ATG7: variants seen among roughly 807,000 people sequenced by gnomAD.
ATG7 encodes autophagy related 7.
In ATG7, 70 loss-of-function variants were observed where a neutral mutation model predicts 82.4. The ratio of observed to expected loss-of-function variants is 0.85; its 90% CI spans 0.70 to 1.04. ATG7 has a LOEUF of 1.04. Among genes scored for constraint, ATG7 ranks in the 50% least tolerant of loss-of-function variants. ATG7 has a pLI of 0.00. For missense variants in ATG7, 792 were observed against 864.3 expected, an observed-to-expected ratio of 0.92 and a Z score of 1.05; for synonymous variants, 287 against 313.0, an observed-to-expected ratio of 0.92 and a Z score of 0.88.
chr3:11,574,783 A>ATGTGTGTGTGTGTGTG, the ATG7 span, among the ~76,000 whole-genome samples: 20 of 111,776 alleles, frequency 1.8e-4, 1 homozygote, highest in South Asian at 6.7e-4. Flanking sequence ...ATTCAACTAT[A>ATGTGTGTGTGTGTGTG]TATGTGTGTG....
rs183165656 is a variant in ATG7 at position 11,548,687 on chromosome 3, C to G, written c.2080-6124C>G. On this transcript the variant is annotated intron_variant, in intron 20 of 20. Coordinates refer to ENST00000693202, the MANE Select transcript of ATG7 (RefSeq NM_001349232.2). Reference sequence around the variant, plus strand: ...TAAAGAAATCCCGGAACTGAGCCCCCGTATCAGCCGATTGAACTCACTGTG... The same window carrying G: ...TAAAGAAATCCCGGAACTGAGCCCCGGTATCAGCCGATTGAACTCACTGTG... 4.1e-3 allele frequency among the ~76,000 whole-genome samples: 628 copies of G among 152,288 alleles called. 6 individuals are homozygous for G. Among genetic ancestry groups the G allele is most frequent in the African/African-American group, 0.014 (602 of 41,552 alleles).
intron 20 of ATG7, among the ~76,000 whole-genome samples, chr3:11,463,913 T>C (rs1460766222): frequency 6.6e-6 from 1 of 152,058 alleles, no homozygotes; most frequent in East Asian, 1.9e-4. Context: ...GTGGTTGGTG[T>C]GGGGGAAAAA....
At chr3:11,569,579 C>T in the ATG7 span, among the ~76,000 whole-genome samples, 2 of 152,358 alleles carry the variant, frequency 1.3e-5, no homozygotes, top group East Asian at 3.9e-4. Context: ...GAGGAGGGGC[C>T]GGCACAGGGC....
the ATG7 span, among the ~76,000 whole-genome samples, chr3:11,572,918 A>T: frequency 2.0e-5 from 3 of 152,086 alleles, no homozygotes; most frequent in Non-Finnish European, 4.4e-5. Context: ...CTGTAATTCC[A>T]GCACTTTGGG....
intron 20 of ATG7, among the ~76,000 whole-genome samples, chr3:11,535,162 G>C (rs1188929198): frequency 6.6e-6 from 1 of 152,176 alleles, no homozygotes; most frequent in Non-Finnish European, 1.5e-5. Context: ...TTCATCCTTC[G>C]GGGCCTGGAC....
At position 11,444,142 on chromosome 3, in the gene ATG7, C is replaced by T. The variant is rs186256822; in HGVS notation, c.2079+17216C>T. On this transcript the variant is annotated intron_variant, in intron 20 of 20. Transcript: ENST00000693202. The stretch of plus-strand genomic sequence containing the variant: ...TTGTAAAGGTTACCCATTTGCTGTG[C>T]GGCTAAAGTTCATTTTCGTTGCTAT... 5.5e-3 allele frequency among the ~76,000 whole-genome samples: 837 copies of T among 152,212 alleles called. 7 individuals carry two copies. Among genetic ancestry groups the T allele is most frequent in the Non-Finnish European group, 6.1e-3 (418 of 68,020 alleles).
At chr3:11,439,069 C>CTTTTTTTTTTTTTTTTTTTTTTT (rs67206280) in intron 20 of ATG7, among the ~76,000 whole-genome samples, 2 of 121,974 alleles carry the variant, frequency 1.6e-5, no homozygotes, top group Non-Finnish European at 3.3e-5. Context: ...TTCTTTCTTT[C>CTTTTTTTTTTTTTTTTTTTTTTT]TTTTTTTTTT....
the ATG7 span, among the ~76,000 whole-genome samples, chr3:11,569,186 G>A: frequency 3.3e-5 from 5 of 152,162 alleles, no homozygotes; most frequent in African/African-American, 4.8e-5. Flanking sequence ...TCCAACAAAC[G>A]TGCTTTGGGA....
At chr3:11,436,216 A>G (rs531254680) in intron 20 of ATG7, among the ~76,000 whole-genome samples, 2 of 152,390 alleles carry the variant, frequency 1.3e-5, no homozygotes, top group Admixed American at 6.5e-5. Flanking sequence ...AGCATAATCA[A>G]ATAAGATGCC....
chr3:11,464,948 G>C (rs2086676281), intron 20 of ATG7, among the ~76,000 whole-genome samples: 1 of 152,106 alleles, frequency 6.6e-6, no homozygotes, highest in South Asian at 2.1e-4. Context: ...CAGTTCTTGG[G>C]CACATAGTAA....
intron 20 of ATG7, among the ~76,000 whole-genome samples, chr3:11,466,091 C>T (rs914667730): frequency 1.3e-5 from 2 of 152,158 alleles, no homozygotes; most frequent in African/African-American, 4.8e-5. Context: ...CGGCTTATTC[C>T]TAATGTGGAA....
chr3:11,442,156 C>T (rs542586827), intron 20 of ATG7, among the ~76,000 whole-genome samples: 1 of 152,260 alleles, frequency 6.6e-6, no homozygotes, highest in South Asian at 2.1e-4. Flanking sequence ...TCATCCAGTA[C>T]CATGATCGCT....
At chr3:11,341,295 C>T (rs899496690) in intron 12 of ATG7, among the ~76,000 whole-genome samples, 4 of 151,944 alleles carry the variant, frequency 2.6e-5, no homozygotes, top group East Asian at 1.9e-4. Flanking sequence ...CTCCTGACCT[C>T]GTGATCCACC....
chr3:11,347,178 A>T (rs1954677600), intron 13 of ATG7, among the ~76,000 whole-genome samples: 1 of 152,230 alleles, frequency 6.6e-6, no homozygotes, highest in Non-Finnish European at 1.5e-5. Flanking sequence ...CAAATCACTT[A>T]TCTTTCCTGG....
intron 3 of ATG7, among the ~76,000 whole-genome samples, chr3:11,296,379 C>T (rs572380029): frequency 3.8e-4 from 58 of 152,296 alleles, no homozygotes; most frequent in African/African-American, 1.3e-3. Context: ...TCTCTCTTTT[C>T]ATTGCTTGAG....
chr3:11,533,374 A>G (rs1366374296), intron 20 of ATG7, among the ~76,000 whole-genome samples: 3 of 152,160 alleles, frequency 2.0e-5, no homozygotes, highest in African/African-American at 7.2e-5. Flanking sequence ...CCAGCTTGCA[A>G]TAATTTCTTA....
chr3:11,553,294 C>G (rs921144883), intron 20 of ATG7, among the ~76,000 whole-genome samples: 1 of 43,856 alleles, frequency 2.3e-5, no homozygotes, highest in Non-Finnish European at 4.8e-5. Context: ...GTGAGGTCAC[C>G]TCACAGGTAG....
the ATG7 span, chr3:11,565,161 C>A: frequency 1.2e-6 from 1 of 846,160 alleles, no homozygotes; most frequent in South Asian, 3.0e-5. This position sits in a 1 kb window ranked among gnomAD's most constrained non-coding sequence, Gnocchi z 4.1. Context: ...GATGAGGAGC[C>A]GGTTGCCAGC....
intron 14 of ATG7, among the ~76,000 whole-genome samples, chr3:11,351,453 T>C (rs1444696160): frequency 6.6e-6 from 1 of 152,144 alleles, no homozygotes; most frequent in East Asian, 1.9e-4. Flanking sequence ...TGTGGTACTT[T>C]TGTGGAACTG....
Sources: allele counts gnomAD v4.1 joint callset (sites outside exome capture counted in the v4.1 genomes callset), GRCh38; gene constraint gnomAD v4.1.1; non-coding constraint Gnocchi (gnomAD v3.1); transcripts MANE v1.5; gene names NCBI Gene and HGNC (gene_info 2026-07-23, HGNC 2026-07-21).